Variants in DMD observed in about 807,000 individuals in gnomAD.
DMD encodes the protein dystrophin, also known as mutant dystrophin.
A neutral mutation model predicts 330.1 loss-of-function variants in DMD; 63 were observed. The ratio of observed to expected loss-of-function variants is 0.19; its 90% CI spans 0.16 to 0.24. DMD has a LOEUF of 0.24. Ranked by LOEUF, DMD falls within the 10% of genes least tolerant of loss-of-function variation. DMD has a pLI of 1.00. For synonymous variants in DMD, 1,223 were observed against 959.8 expected (o/e 1.27, Z -5.07); for missense variants, 3,344 against 2,684.1 (o/e 1.25, Z -5.43).
rs184547410 is a variant in DMD, at chrX:31,379,894, A to C, written c.9085-31260T>G. ...AATCGGACTGTTCAACTCACCTGGC[A>C]GCCACTCCCAGAGCCCCTGGAACTC... On this transcript the variant is annotated intron_variant, in intron 60 of 78. Transcript: ENST00000357033. 2.5e-3 allele frequency among the ~76,000 whole-genome samples: 283 copies of C among 111,429 alleles called. 1 individual carries two copies. The highest frequency in any genetic ancestry group is 8.3e-3 in the African/African-American group (255 of 30,613).
chrX:31,604,255 C>T (rs2077503833), intron 55 of DMD, among the ~76,000 whole-genome samples: 1 of 112,001 alleles, frequency 8.9e-6, no homozygotes, highest in South Asian at 3.7e-4. Context: ...AACATAGTAA[C>T]TCATTGTTTT....
intron 29 of DMD, among the ~76,000 whole-genome samples, chrX:32,437,382 G>A (rs2098265524): frequency 8.9e-6 from 1 of 111,944 alleles, no homozygotes; most frequent in Non-Finnish European, 1.9e-5. Flanking sequence ...TTTTCAATCT[G>A]TAAGCATGTC....
At chrX:32,096,517 C>A (rs1376978571) in intron 44 of DMD, among the ~76,000 whole-genome samples, 1 of 109,513 alleles carries the variant, frequency 9.1e-6, no homozygotes, top group African/African-American at 3.3e-5. Flanking sequence ...CAGTAGAAAG[C>A]TCAAATAAAT....
intron 56 of DMD, among the ~76,000 whole-genome samples, chrX:31,499,489 C>CTTTTTTTTTTTTTTTTTTTTTTTTTTTTT (rs774151183): frequency 1.2e-5 from 1 of 83,691 alleles, no homozygotes; most frequent in African/African-American, 4.6e-5. Flanking sequence ...GAATTCAGTT[C>CTTTTTTTTTTTTTTTTTTTTTTTTTTTTT]TTTTTTTTTT....
At chrX:32,672,249 T>C (rs890023586) in intron 9 of DMD, among the ~76,000 whole-genome samples, 1 of 110,783 alleles carries the variant, frequency 9.0e-6, no homozygotes, top group Non-Finnish European at 1.9e-5. Context: ...GGCAGTCCCT[T>C]TGAAAGAAAT....
At chrX:32,648,277 C>A (rs753059206) in intron 9 of DMD, among the ~76,000 whole-genome samples, 4 of 111,390 alleles carry the variant, frequency 3.6e-5, no homozygotes, top group Admixed American at 1.9e-4. Context: ...ATAAGCTATG[C>A]AAAATTTTAT....
intron 43 of DMD, among the ~76,000 whole-genome samples, chrX:32,225,572 A>G (rs1222146644): frequency 9.0e-6 from 1 of 111,471 alleles, no homozygotes; most frequent in Non-Finnish European, 1.9e-5. Flanking sequence ...TTAAATTGTA[A>G]TCCCCAATGT....
rs2046574613 is a variant in DMD at position 31,226,183 on chromosome X, G to C, written c.9287-3062C>G. On this transcript the variant is annotated intron_variant, in intron 63 of 78. Transcript: ENST00000357033. ...AATCCGAATCAATATTTTACTAAGA[G>C]CCTCTGGTGATTCATATGGAAGTTC... is the stretch of plus-strand genomic sequence containing the variant. Among the ~76,000 whole-genome samples the C allele has an allele frequency of 3.6e-5, 4 of 111,944 alleles. No homozygotes were observed. In the South Asian group the frequency reaches 1.5e-3, roughly 43 times the overall value.
chrX:32,799,056 T>C lies in DMD; in HGVS notation c.649+10437A>G, dbSNP rs146300776. On this transcript the variant is annotated intron_variant, in intron 7 of 78. Transcript: ENST00000357033. ...TTCTTCTCTTTTATAGCAAATTCTA[T>C]GTATCTTTCCATGATTATTTTTGTA... Among the ~76,000 whole-genome samples, 163 of 111,657 alleles carry C rather than the reference T, an allele frequency of 1.5e-3. 1 individual carries two copies. In the East Asian group the frequency reaches 0.039, roughly 27 times the overall value.
At chrX:33,316,218 G>C (rs757481111) in intron 1 of DMD, among the ~76,000 whole-genome samples, 142 of 110,304 alleles carry the variant, frequency 1.3e-3, no homozygotes, top group Non-Finnish European at 2.3e-3. Flanking sequence ...AGCTACCAGA[G>C]ACTGTAAAAC....
chrX:32,228,391 G>GA (rs1405361033), intron 43 of DMD, among the ~76,000 whole-genome samples: 1 of 111,169 alleles, frequency 9.0e-6, no homozygotes, highest in Non-Finnish European at 1.9e-5. Flanking sequence ...CACTGCTTCT[G>GA]AAAAAATATG....
intron 1 of DMD, among the ~76,000 whole-genome samples, chrX:33,124,476 G>GAA (rs56147804): frequency 1.9e-4 from 3 of 16,132 alleles, no homozygotes; most frequent in African/African-American, 5.5e-4. Flanking sequence ...GACTCTGTCT[G>GAA]AAAAAAAAAA....
Position 32,501,765 on chromosome X carries a change from C to A in DMD, c.2370G>T (p.Gln790His), listed in dbSNP as rs907287128. 2.5e-6 allele frequency: 3 copies of A among 1,205,044 alleles called. No individual in the cohort carries two copies. The African/African-American group carries it at 5.2e-5, about 21-fold the overall frequency. ...AACTCGTGTAATTACCATTCACCAT[C>A]TGTTCCACCAGGGCCTGAGCTGATC... ...ASRSAQALVE[Q>H]MVNEGVNADS... The change falls in exon 19 of 79, where the codon CAG becomes CAT. Residue 790 changes from glutamine to histidine, a missense_variant. Coordinates refer to ENST00000357033, the MANE Select transcript of DMD (RefSeq NM_004006.3).
chrX:32,297,948 C>A (rs1423016251), intron 42 of DMD, among the ~76,000 whole-genome samples: 2 of 110,502 alleles, frequency 1.8e-5, no homozygotes, highest in Non-Finnish European at 3.8e-5. Flanking sequence ...GAGGAGTGGC[C>A]AAGGAACATG....
At chrX:31,305,880 T>C (rs2054988139) in intron 62 of DMD, among the ~76,000 whole-genome samples, 1 of 112,598 alleles carries the variant, frequency 8.9e-6, no homozygotes, top group South Asian at 3.6e-4. Context: ...TAGTTATACT[T>C]GGCTAATTTG....
At chrX:32,843,370 G>A (rs2080345742) in intron 4 of DMD, among the ~76,000 whole-genome samples, 1 of 111,739 alleles carries the variant, frequency 8.9e-6, no homozygotes, top group South Asian at 3.7e-4. Flanking sequence ...GAGTCCATCG[G>A]ACTAATAAAC....
intron 1 of DMD, among the ~76,000 whole-genome samples, chrX:33,135,077 A>C (rs2095518932): frequency 8.9e-6 from 1 of 111,957 alleles, no homozygotes; most frequent in Non-Finnish European, 1.9e-5. Context: ...TTATAACCCC[A>C]ACTCTTGATA....
intron 18 of DMD, chrX:32,517,563 A>T (rs1039635757): frequency 3.2e-5 from 4 of 124,506 alleles, no homozygotes; most frequent in African/African-American, 1.3e-4. Flanking sequence ...ATTGATGACT[A>T]TAAAGAATAA....
At chrX:31,366,497 C>T (rs985896687) in intron 60 of DMD, among the ~76,000 whole-genome samples, 1 of 28,285 alleles carries the variant, frequency 3.5e-5, no homozygotes, top group African/African-American at 1.5e-4. Context: ...AAAAAAAAAA[C>T]ATAAAAAAAA....
Sources: allele counts gnomAD v4.1 joint callset (sites outside exome capture counted in the v4.1 genomes callset), GRCh38; gene constraint gnomAD v4.1.1; transcripts MANE v1.5; gene names NCBI Gene and HGNC (gene_info 2026-07-23, HGNC 2026-07-21).